Variants in RPS6KB1 observed in about 807,000 individuals in gnomAD.
RPS6KB1 encodes the protein ribosomal protein S6 kinase beta-1.
RPS6KB1 carries 12 observed loss-of-function variants against 70.2 expected under a neutral mutation model. The ratio of observed to expected loss-of-function variants is 0.17; its 90% CI spans 0.11 to 0.28. RPS6KB1 has a LOEUF of 0.28. Ranked by LOEUF, RPS6KB1 falls within the 10% of genes least tolerant of loss-of-function variation. The pLI, the probability that RPS6KB1 is intolerant of heterozygous loss-of-function variation, is 1.00. For missense variants in RPS6KB1, 270 were observed against 646.6 expected (o/e 0.42, Z 6.32); for synonymous variants, 175 against 211.2 (o/e 0.83, Z 1.49).
intron 3 of RPS6KB1, chr17:59,913,878 T>G (rs1162375856): frequency 6.6e-6 from 1 of 152,128 alleles, no homozygotes; most frequent in Non-Finnish European, 1.5e-5. Flanking sequence ...TTTTTGTATT[T>G]TTAGTAGAGA....
intron 5 of RPS6KB1, among the ~76,000 whole-genome samples, chr17:59,927,528 TG>T (rs1468658409): frequency 6.6e-6 from 1 of 151,008 alleles, no homozygotes; most frequent in East Asian, 2.0e-4. Context: ...TTTTTGAAGA[TG>T]GAGTTTCGCT....
At chr17:59,906,432 T>G (rs1568398934) in intron 1 of RPS6KB1, among the ~76,000 whole-genome samples, 1 of 152,062 alleles carries the variant, frequency 6.6e-6, no homozygotes, top group Non-Finnish European at 1.5e-5. Context: ...TGGCGCGATC[T>G]CGGCTCACTG....
chr17:59,930,904 T>A (rs1475840525), intron 6 of RPS6KB1: 2 of 152,404 alleles, frequency 1.3e-5, no homozygotes, highest in Non-Finnish European at 2.9e-5. Flanking sequence ...GTGGTCGTGC[T>A]GGCTGTGAAA....
Position 59,946,605 on chromosome 17 carries a change from A to C in RPS6KB1, c.1395A>C (p.Thr465=). The C allele has an allele frequency of 6.2e-7, 1 of 1,614,206 alleles. No homozygotes were observed. Among genetic ancestry groups the C allele is most frequent in the Non-Finnish European group, 8.5e-7 (1 of 1,180,028 alleles). The change falls in exon 15 of 15, where the codon ACA becomes ACC. Residue 465 remains threonine, a synonymous_variant. Coordinates refer to ENST00000225577, the MANE Select transcript of RPS6KB1 (RefSeq NM_003161.4). The surrounding 1 kb of genome is among the most constrained non-coding windows in gnomAD (Gnocchi z 4.2). ...DFWGRGASAS[T]ANPQTPVEYP... The stretch of plus-strand genomic sequence containing the variant: ...GGGGAAGAGGTGCTTCGGCCAGCAC[A>C]GCAAATCCTCAGACACCTGTGGAAT...
chr17:59,930,396 A>G (rs1195781046), intron 6 of RPS6KB1: 1 of 438,532 alleles, frequency 2.3e-6, no homozygotes, highest in South Asian at 4.9e-5. Context: ...TGTTCCTAAC[A>G]GAACCATTCT....
chr17:59,929,644 C>T (rs1175868666), intron 5 of RPS6KB1, among the ~76,000 whole-genome samples: 1 of 152,060 alleles, frequency 6.6e-6, no homozygotes, highest in Non-Finnish European at 1.5e-5. Flanking sequence ...TATTTTGATA[C>T]TCAAATTGTG....
chr17:59,920,633 T>G (rs1027914074), intron 4 of RPS6KB1, among the ~76,000 whole-genome samples: 4 of 152,186 alleles, frequency 2.6e-5, no homozygotes, highest in African/African-American at 9.7e-5. Flanking sequence ...GTAAAACATG[T>G]TAGGTATAGA....
chr17:59,910,388 GTGT>G (rs2042563736), intron 1 of RPS6KB1, among the ~76,000 whole-genome samples, 171 bp from the exon 2 acceptor site: 1 of 152,066 alleles, frequency 6.6e-6, no homozygotes, highest in African/African-American at 2.4e-5. Flanking sequence ...AATTCCCATA[GTGT>G]TGTTTGTGTA....
rs563518577 is a variant in RPS6KB1 at position 59,939,479 on chromosome 17, C to T, written c.1120-1357C>T. On this transcript the variant is annotated intron_variant, in intron 12 of 14. Coordinates refer to ENST00000225577, the MANE Select transcript of RPS6KB1 (RefSeq NM_003161.4). ...GTTTCTGGTAGAGACGGGGTTTTGCCGTGTTCACCAGGCTGGTCTTCAACT... is the reference window on the plus strand; with the variant it reads ...GTTTCTGGTAGAGACGGGGTTTTGCTGTGTTCACCAGGCTGGTCTTCAACT... 9.2e-5 allele frequency among the ~76,000 whole-genome samples: 14 copies of T among 152,196 alleles called. No individual in the cohort carries two copies. The South Asian group carries it at 2.3e-3, about 25-fold the overall frequency.
chr17:59,946,461 T>C lies in RPS6KB1; in HGVS notation c.1341-90T>C, dbSNP rs2044930994. ...TAAAATTAAATGAAAATAAATGTCA[T>C]GTTACCCCACTCCCTTTAAACGTAA... On this transcript the variant is annotated intron_variant, in intron 14 of 14. Transcript: ENST00000225577. This position sits in a 1 kb window ranked among gnomAD's most constrained non-coding sequence, Gnocchi z 4.2. 1 of 979,274 alleles carries C rather than the reference T, an allele frequency of 1.0e-6. No homozygotes were observed. 60.7% of individuals were successfully genotyped at this position (979,274 alleles called of 1,614,324 possible).
At chr17:59,937,580 G>A (rs2044315430) in intron 12 of RPS6KB1, among the ~76,000 whole-genome samples, 1 of 152,192 alleles carries the variant, frequency 6.6e-6, no homozygotes, top group South Asian at 2.1e-4. Context: ...GCTTGTAGGT[G>A]CATCACCCGG....
intron 12 of RPS6KB1, among the ~76,000 whole-genome samples, chr17:59,939,952 A>G (rs2044478965): frequency 6.6e-6 from 1 of 152,252 alleles, no homozygotes; most frequent in Non-Finnish European, 1.5e-5. Flanking sequence ...TCTCATGGTT[A>G]GAACTGAAGT....
Position 59,912,909 on chromosome 17 carries a change from G to A in RPS6KB1, c.312+105G>A. On this transcript the variant is annotated intron_variant, in intron 3 of 14. Transcript: ENST00000225577. The stretch of plus-strand genomic sequence containing the variant: ...TCAGTCTTTGTCAGCTATCAGCAAA[G>A]GATGTGATCATGACCACTTAGCTGG... The A allele has an allele frequency of 6.2e-6, 8 of 1,284,348 alleles. No individual in the cohort carries two copies. The South Asian group carries it at 6.6e-5, about 11-fold the overall frequency. The allele number at this position is 1,284,348 out of a possible 1,614,324, so 79.6% of individuals were successfully genotyped here. A position where few individuals can be genotyped will look rare whatever the true frequency, so the allele number is the denominator to read the frequency against.
intron 4 of RPS6KB1, among the ~76,000 whole-genome samples, chr17:59,922,064 G>A (rs1160067109): frequency 1.5e-5 from 2 of 133,622 alleles, no homozygotes; most frequent in African/African-American, 3.0e-5. Context: ...TTTTTGAGAA[G>A]CAGTCTCACT....
Position 59,934,698 on chromosome 17 carries a change from T to A in RPS6KB1, c.870+174T>A. Reference sequence around the variant, plus strand: ...TATGATTATATGGGATCCCATACTTTCCGAAACATTTTCTTTTAAATGATC... The same window carrying A: ...TATGATTATATGGGATCCCATACTTACCGAAACATTTTCTTTTAAATGATC... On this transcript the variant is annotated intron_variant, in intron 9 of 14. Transcript: ENST00000225577. This position sits in a 1 kb window ranked among gnomAD's most constrained non-coding sequence, Gnocchi z 4.8. The A allele has an allele frequency of 1.9e-6, 1 of 535,348 alleles. No individual in the cohort carries two copies. Among genetic ancestry groups the A allele is most frequent in the Non-Finnish European group, 3.3e-6 (1 of 304,628 alleles). The allele number at this position is 535,348 out of a possible 1,614,324, so 33.2% of individuals were successfully genotyped here. A position where few individuals can be genotyped will look rare whatever the true frequency, so the allele number is the denominator to read the frequency against.
At chr17:59,901,416 T>C (rs2144690780) in intron 1 of RPS6KB1, among the ~76,000 whole-genome samples, 1 of 150,480 alleles carries the variant, frequency 6.6e-6, no homozygotes, top group African/African-American at 2.4e-5. Flanking sequence ...CCTAAAGTGC[T>C]GGGATTACAG....
Position 59,931,694 on chromosome 17 carries a change from G to A in RPS6KB1, c.660G>A (p.Lys220=), listed in dbSNP as rs2043932232. The change falls in exon 7 of 15, where the codon AAG becomes AAA. Residue 220 remains lysine (K), a synonymous_variant. Coordinates refer to ENST00000225577, the MANE Select transcript of RPS6KB1 (RefSeq NM_003161.4). Reference sequence around the variant, plus strand: ...AGGGGATCATCTACAGAGACCTGAAGCCGGAGAATATCATGCTTAATCACC... The same window carrying A: ...AGGGGATCATCTACAGAGACCTGAAACCGGAGAATATCATGCTTAATCACC... ...HQKGIIYRDL[K]PENIMLNHQG... The A allele has an allele frequency of 6.2e-7, 1 of 1,612,414 alleles. No homozygotes were observed. Among genetic ancestry groups the A allele is most frequent in the South Asian group, 1.1e-5 (1 of 91,044 alleles).
rs567927730 is a variant in RPS6KB1 at position 59,948,530 on chromosome 17, A to G, written c.*1742A>G. On this transcript the variant is annotated 3_prime_UTR_variant, in exon 15 of 15. Coordinates refer to ENST00000225577, the MANE Select transcript of RPS6KB1 (RefSeq NM_003161.4). ...CTTTGCTTTTTGAAATTGCAACTCA[A>G]ATGAGATGGGATGAAATCCTATGAC... The G allele has an allele frequency of 2.6e-5, 4 of 152,734 alleles. No homozygotes were observed. Among genetic ancestry groups the G allele is most frequent in the African/African-American group, 7.2e-5 (3 of 41,570 alleles). The allele number at this position is 152,734 out of a possible 1,614,324, so 9.5% of individuals were successfully genotyped here.
At chr17:59,938,317 A>T (rs2044370065) in intron 12 of RPS6KB1, among the ~76,000 whole-genome samples, 1 of 151,558 alleles carries the variant, frequency 6.6e-6, no homozygotes. Flanking sequence ...GCATCACCAC[A>T]TCCAGCTAAT....
Sources: allele counts gnomAD v4.1 joint callset (sites outside exome capture counted in the v4.1 genomes callset), GRCh38; gene constraint gnomAD v4.1.1; non-coding constraint Gnocchi (gnomAD v3.1); transcripts MANE v1.5; gene names NCBI Gene and HGNC (gene_info 2026-07-23, HGNC 2026-07-21).